The following CPPED1 variants were observed in gnomAD, a reference collection of about 807,000 sequenced individuals.
The protein encoded by CPPED1 is calcineurin like phosphoesterase domain containing 1, also known as serine/threonine-protein phosphatase CPPED1.
In CPPED1, 28 loss-of-function variants were observed where a neutral mutation model predicts 28.0. The observed-to-expected ratio is 1.00, with a 90% CI of 0.74 to 1.37. CPPED1 has a LOEUF of 1.37. Ranked by LOEUF, CPPED1 falls within the 40% of genes most tolerant of loss-of-function variation. The pLI is 0.00. For synonymous variants in CPPED1, 198 were observed against 180.2 expected, an observed-to-expected ratio of 1.10 and a Z score of -0.79; for missense variants, 504 against 416.5, an observed-to-expected ratio of 1.21 and a Z score of -1.83.
chr16:12,706,235 A>T (rs1481022414), intron 2 of CPPED1, among the ~76,000 whole-genome samples: 1 of 151,998 alleles, frequency 6.6e-6, no homozygotes, highest in Non-Finnish European at 1.5e-5. Flanking sequence ...ACATGTATTC[A>T]TGTATTATGG....
At chr16:12,767,775 T>C (rs1321271333) in intron 2 of CPPED1, among the ~76,000 whole-genome samples, 1 of 152,142 alleles carries the variant, frequency 6.6e-6, no homozygotes, top group Non-Finnish European at 1.5e-5. Flanking sequence ...CTGGCCAGCA[T>C]GGTGAAACTC....
At chr16:12,746,471 T>A (rs2080289070) in intron 2 of CPPED1, among the ~76,000 whole-genome samples, 1 of 125,528 alleles carries the variant, frequency 8.0e-6, no homozygotes, top group Admixed American at 8.9e-5. Flanking sequence ...AAAAAGTACA[T>A]CATCAGCAGC....
rs1567269037 is a variant in CPPED1, at chr16:12,662,598, T to C, written c.*2288A>G. ...ACTCTATGTTCATGGGTACACTTTA[T>C]GTAGCTCCCATTTATGAGTGAGAAC... On this transcript the variant is annotated 3_prime_UTR_variant, in exon 4 of 4. Coordinates refer to ENST00000381774, the MANE Select transcript of CPPED1 (RefSeq NM_018340.3). 6.6e-6 allele frequency: 1 copy of C among 152,236 alleles called. No homozygotes were observed. Among genetic ancestry groups the C allele is most frequent in the Non-Finnish European group, 1.5e-5 (1 of 68,040 alleles). The allele number at this position is 152,236 out of a possible 1,614,324, so 9.4% of individuals were successfully genotyped here. A position where few individuals can be genotyped will look rare whatever the true frequency, so the allele number is the denominator to read the frequency against.
At chr16:12,717,922 G>A (rs986972167) in intron 2 of CPPED1, among the ~76,000 whole-genome samples, 5 of 152,164 alleles carry the variant, frequency 3.3e-5, no homozygotes, top group African/African-American at 9.7e-5. Context: ...GATTACAGGC[G>A]TGAGCCACTG....
chr16:12,791,971 AG>A (rs1347585572), intron 1 of CPPED1, among the ~76,000 whole-genome samples: 1 of 147,648 alleles, frequency 6.8e-6, no homozygotes, highest in African/African-American at 2.5e-5. Context: ...TTTTTTTTTG[AG>A]ATGGAGTCTT....
intron 2 of CPPED1, among the ~76,000 whole-genome samples, chr16:12,738,186 G>A (rs2080236864): frequency 6.6e-6 from 1 of 152,140 alleles, no homozygotes; most frequent in African/African-American, 2.4e-5. Flanking sequence ...ACATTACGCA[G>A]CCGTTCACAA....
chr16:12,684,461 C>A (rs1300966169), intron 3 of CPPED1, among the ~76,000 whole-genome samples: 2 of 152,222 alleles, frequency 1.3e-5, no homozygotes, highest in African/African-American at 4.8e-5. Flanking sequence ...GCCTACTCCA[C>A]TCACTGAGCA....
intron 2 of CPPED1, among the ~76,000 whole-genome samples, chr16:12,739,485 G>A (rs971006327): frequency 6.6e-6 from 1 of 152,132 alleles, no homozygotes; most frequent in African/African-American, 2.4e-5. Context: ...GGAGGCTGAG[G>A]CAGGAGAATC....
At chr16:12,699,518 T>A (rs912150991) in intron 3 of CPPED1, among the ~76,000 whole-genome samples, 1 of 152,136 alleles carries the variant, frequency 6.6e-6, no homozygotes, top group Non-Finnish European at 1.5e-5. Flanking sequence ...AATGCAACAA[T>A]GAGAGATGAT....
intron 3 of CPPED1, among the ~76,000 whole-genome samples, chr16:12,698,727 G>A (rs2080005232): frequency 6.6e-6 from 1 of 152,110 alleles, no homozygotes; most frequent in South Asian, 2.1e-4. Context: ...CACTGCACCT[G>A]CCAAAACTTT....
Position 12,663,821 on chromosome 16 carries a change from T to A in CPPED1, c.*1065A>T, listed in dbSNP as rs1306307396. 1 of 152,194 alleles carries A rather than the reference T, an allele frequency of 6.6e-6. No individual in the cohort carries two copies. The highest frequency in any genetic ancestry group is 2.4e-5 in the African/African-American group (1 of 41,434). 9.4% of individuals were successfully genotyped at this position (152,194 alleles called of 1,614,324 possible). The stretch of plus-strand genomic sequence containing the variant: ...GAACAATGGCTGTAAAGGAGAAAAT[T>A]GAGCAGTGGTCAGAAGCTGCTGAGA... On this transcript the variant is annotated 3_prime_UTR_variant, in exon 4 of 4. Coordinates refer to ENST00000381774, the MANE Select transcript of CPPED1 (RefSeq NM_018340.3).
chr16:12,693,244 C>T (rs1032151374), intron 3 of CPPED1, among the ~76,000 whole-genome samples: 1 of 152,098 alleles, frequency 6.6e-6, no homozygotes. Context: ...ACTCTGTCAC[C>T]CAGGCTGGAG....
Position 12,664,579 on chromosome 16 carries a change from A to G in CPPED1, c.*307T>C. On this transcript the variant is annotated 3_prime_UTR_variant, in exon 4 of 4. Coordinates refer to ENST00000381774, the MANE Select transcript of CPPED1 (RefSeq NM_018340.3). This position sits in a 1 kb window ranked among gnomAD's most constrained non-coding sequence, Gnocchi z 4.2. ...TTGACCATATGCTAACCAGAATACA[A>G]TCCAATTCAAAAGTGGAGTTGAGAA... 8.5e-7 allele frequency: 1 copy of G among 1,180,470 alleles called. No individual in the cohort carries two copies. Among genetic ancestry groups the G allele is most frequent in the Non-Finnish European group, 1.0e-6 (1 of 953,864 alleles). The allele number at this position is 1,180,470 out of a possible 1,614,324, so 73.1% of individuals were successfully genotyped here.
intron 2 of CPPED1, among the ~76,000 whole-genome samples, chr16:12,769,286 C>G (rs989830369): frequency 6.6e-6 from 1 of 152,054 alleles, no homozygotes; most frequent in Admixed American, 6.6e-5. Flanking sequence ...ATTTTGATAA[C>G]CGTATTTCAA....
chr16:12,783,336 A>G (rs2080543599), intron 1 of CPPED1, among the ~76,000 whole-genome samples: 1 of 152,078 alleles, frequency 6.6e-6, no homozygotes, highest in Non-Finnish European at 1.5e-5. Flanking sequence ...CATCTCTACT[A>G]AAAATACAAA....
At chr16:12,771,141 C>T (rs1005692501) in intron 2 of CPPED1, among the ~76,000 whole-genome samples, 5 of 152,160 alleles carry the variant, frequency 3.3e-5, no homozygotes, top group Non-Finnish European at 5.9e-5. Context: ...ACAAAAAACA[C>T]GGAGAACTTC....
chr16:12,737,501 G>A (rs960460774), intron 2 of CPPED1, among the ~76,000 whole-genome samples: 1 of 152,210 alleles, frequency 6.6e-6, no homozygotes, highest in African/African-American at 2.4e-5. Context: ...GGACCTGTCT[G>A]GATTCTCAGA....
chr16:12,792,164 A>C (rs1305079245), intron 1 of CPPED1, among the ~76,000 whole-genome samples: 4 of 151,992 alleles, frequency 2.6e-5, no homozygotes, highest in African/African-American at 4.8e-5. Context: ...TGTTGGCCAG[A>C]CTGGTCTCAA....
At chr16:12,765,744 C>A (rs1275510413) in intron 2 of CPPED1, among the ~76,000 whole-genome samples, 1 of 152,164 alleles carries the variant, frequency 6.6e-6, no homozygotes, top group East Asian at 1.9e-4. Context: ...TGGGGAAAAA[C>A]CATACAGAAT....
Sources: gnomAD v4.1 joint callset for allele counts (sites outside exome capture counted in the v4.1 genomes callset) on GRCh38, gnomAD v4.1.1 for gene constraint, Gnocchi (gnomAD v3.1) non-coding constraint, MANE v1.5 for transcripts, NCBI Gene and HGNC (gene_info 2026-07-23, HGNC 2026-07-21) for gene names.